Variants in APPBP2 observed in about 807,000 individuals in gnomAD.
APPBP2 encodes the protein amyloid protein-binding protein 2.
In APPBP2, 15 loss-of-function variants were observed where a neutral mutation model predicts 76.0. The observed-to-expected ratio is 0.20, with a 90% CI of 0.13 to 0.30. The LOEUF (loss-of-function observed/expected upper bound fraction) is 0.30. Among genes scored for constraint, APPBP2 ranks in the 10% least tolerant of loss-of-function variants. The pLI, the probability that APPBP2 is intolerant of heterozygous loss-of-function variation, is 1.00. For synonymous variants in APPBP2, 222 were observed against 242.2 expected (o/e 0.92, Z 0.77); for missense variants, 401 against 687.2 (o/e 0.58, Z 4.66).
intron 5 of APPBP2, chr17:60,465,200 C>T (rs2090502092): frequency 6.6e-6 from 1 of 152,174 alleles, no homozygotes; most frequent in Non-Finnish European, 1.5e-5. Flanking sequence ...TAGATAGATA[C>T]GTTCCAGATA....
chr17:60,524,609 T>TG (rs1285019126), intron 1 of APPBP2, among the ~76,000 whole-genome samples: 7 of 72,036 alleles, frequency 9.7e-5, no homozygotes, highest in South Asian at 7.7e-4. Flanking sequence ...CTGCTAATTC[T>TG]GAAAAAAAAA....
At chr17:60,489,599 G>GA (rs2090709210) in intron 3 of APPBP2, among the ~76,000 whole-genome samples, 2 of 137,780 alleles carry the variant, frequency 1.5e-5, no homozygotes, top group African/African-American at 6.1e-5. Flanking sequence ...CGACAGAGTG[G>GA]GACCATGTCT....
At chr17:60,507,975 CTTTTT>C (rs753633178) in intron 1 of APPBP2, among the ~76,000 whole-genome samples, 2 of 141,134 alleles carry the variant, frequency 1.4e-5, no homozygotes, top group African/African-American at 2.6e-5. Context: ...TTTTTTCCTT[CTTTTT>C]TTTTTTTTTG....
chr17:60,514,596 G>A (rs2090947590), intron 1 of APPBP2, among the ~76,000 whole-genome samples: 1 of 152,112 alleles, frequency 6.6e-6, no homozygotes, highest in Non-Finnish European at 1.5e-5. Context: ...TTCCATTCCT[G>A]ATTAGCATAT....
chr17:60,452,863 G>A (rs1401141536), intron 11 of APPBP2, among the ~76,000 whole-genome samples: 1 of 152,190 alleles, frequency 6.6e-6, no homozygotes, highest in East Asian at 1.9e-4. Context: ...AGCCCAGGGA[G>A]GTTGAGGCTG....
intron 1 of APPBP2, among the ~76,000 whole-genome samples, chr17:60,514,008 A>C (rs924105049): frequency 5.3e-5 from 8 of 151,086 alleles, no homozygotes; most frequent in Non-Finnish European, 8.9e-5. Context: ...AAAAAAAAAA[A>C]AAAAAAAAAA....
chr17:60,452,794 GT>G (rs2090404892), intron 11 of APPBP2, among the ~76,000 whole-genome samples: 3 of 152,078 alleles, frequency 2.0e-5, no homozygotes, highest in Admixed American at 2.0e-4. Context: ...ATTAGGCAGT[GT>G]GGTGGTGTGC....
chr17:60,472,569 T>C (rs904857950), intron 4 of APPBP2, among the ~76,000 whole-genome samples: 2 of 152,206 alleles, frequency 1.3e-5, no homozygotes, highest in African/African-American at 2.4e-5. Flanking sequence ...TAGTCTGGTA[T>C]GGTTTTAATT....
chr17:60,466,811 A>G (rs898553637), intron 4 of APPBP2, among the ~76,000 whole-genome samples: 8 of 152,254 alleles, frequency 5.3e-5, no homozygotes, highest in Non-Finnish European at 1.0e-4. Flanking sequence ...AATAATGAAG[A>G]AAATAAAATT....
At chr17:60,491,863 T>C (rs1055859534) in intron 3 of APPBP2, among the ~76,000 whole-genome samples, 3 of 152,190 alleles carry the variant, frequency 2.0e-5, no homozygotes, top group Non-Finnish European at 2.9e-5. Flanking sequence ...CAGCAGAAAT[T>C]TGCATGAGTA....
At chr17:60,453,597 T>A (rs543844220) in intron 11 of APPBP2, among the ~76,000 whole-genome samples, 1 of 149,976 alleles carries the variant, frequency 6.7e-6, no homozygotes, top group Non-Finnish European at 1.5e-5. Flanking sequence ...TGGAGTGCAG[T>A]GGTGTGATCA....
At chr17:60,497,018 G>A (rs758650015) in intron 2 of APPBP2, among the ~76,000 whole-genome samples, 1 of 152,180 alleles carries the variant, frequency 6.6e-6, no homozygotes, top group Non-Finnish European at 1.5e-5. Context: ...ACCACGCCCA[G>A]CCGACTTACT....
Position 60,479,338 on chromosome 17 carries a change from T to G in APPBP2, c.380-67A>C. On this transcript the variant is annotated intron_variant, in intron 3 of 12. Coordinates refer to ENST00000083182, the MANE Select transcript of APPBP2 (RefSeq NM_006380.5). The stretch of plus-strand genomic sequence containing the variant: ...TAGCCTGCAAGATAAAATGACATGC[T>G]GACAGTGAATATTACCTAAATTAAA... 6.2e-6 allele frequency: 9 copies of G among 1,457,752 alleles called. No individual in the cohort carries two copies. In the Admixed American group the frequency reaches 1.1e-4, roughly 19 times the overall value. 90.3% of individuals were successfully genotyped at this position (1,457,752 alleles called of 1,614,324 possible).
In APPBP2 at chr17:60,526,145, A is replaced by C; in HGVS notation, c.-214T>G. ...GCCCGAGTAAAAAGTGGGACAGAAA[A>C]CAGCGGCCAGCCAGGCCAAAAGCGT... On this transcript the variant is annotated 5_prime_UTR_variant, in exon 1 of 13. Transcript: ENST00000083182. 1 of 559,856 alleles carries C rather than the reference A, an allele frequency of 1.8e-6. No homozygotes were observed. Among genetic ancestry groups the C allele is most frequent in the Non-Finnish European group, 3.2e-6 (1 of 312,576 alleles). The allele number at this position is 559,856 out of a possible 1,614,324, so 34.7% of individuals were successfully genotyped here.
At chr17:60,481,404 AAC>A (rs757569164) in intron 3 of APPBP2, among the ~76,000 whole-genome samples, 2 of 152,206 alleles carry the variant, frequency 1.3e-5, no homozygotes, top group East Asian at 1.9e-4. Context: ...CAGCCTGGGT[AAC>A]ACAGTGAGAC....
At chr17:60,456,175 A>G (rs2090430014) in intron 10 of APPBP2, 121 bp downstream of exon 10, 1 of 698,876 alleles carries the variant, frequency 1.4e-6, no homozygotes, top group South Asian at 1.8e-5. Flanking sequence ...CTAGTAATAC[A>G]TAGACACCGT....
At chr17:60,462,996 A>T (rs891684726) in intron 6 of APPBP2, among the ~76,000 whole-genome samples, 5 of 151,844 alleles carry the variant, frequency 3.3e-5, no homozygotes, top group Admixed American at 3.3e-4. Flanking sequence ...AATCTTGCAT[A>T]AATATTATGT....
intron 3 of APPBP2, among the ~76,000 whole-genome samples, chr17:60,482,993 G>A (rs1291249438): frequency 6.6e-6 from 1 of 152,140 alleles, no homozygotes; most frequent in Non-Finnish European, 1.5e-5. Flanking sequence ...CTAGATCCTT[G>A]AGGAATCGCC....
intron 9 of APPBP2, among the ~76,000 whole-genome samples, chr17:60,457,385 C>T (rs375221974): frequency 1.5e-4 from 23 of 152,002 alleles, no homozygotes; most frequent in African/African-American, 5.6e-4. Context: ...TGTAACTAAA[C>T]TTCTGTTTAA....
Sources: allele counts gnomAD v4.1 joint callset (sites outside exome capture counted in the v4.1 genomes callset), GRCh38; gene constraint gnomAD v4.1.1; transcripts MANE v1.5; gene names NCBI Gene and HGNC (gene_info 2026-07-23, HGNC 2026-07-21).